Variants in TAS2R1 observed in about 807,000 individuals in gnomAD.
The protein encoded by TAS2R1 is taste 2 receptor member 1.
For missense variants in TAS2R1, 370 were observed against 353.4 expected, an observed-to-expected ratio of 1.05 and a Z score of -0.38; for synonymous variants, 141 against 134.2, an observed-to-expected ratio of 1.05 and a Z score of -0.35.
At chr5:9,675,779 A>G (rs1740863211) in intron 1 of TAS2R1, among the ~76,000 whole-genome samples, 1 of 152,160 alleles carries the variant, frequency 6.6e-6, no homozygotes, top group Non-Finnish European at 1.5e-5. Flanking sequence ...TTTTCCACAT[A>G]TAAGATCACG....
the TAS2R1 span, among the ~76,000 whole-genome samples, chr5:9,892,371 C>T: frequency 6.6e-6 from 1 of 152,186 alleles, no homozygotes; most frequent in Non-Finnish European, 1.5e-5. Flanking sequence ...ACTCTTGCCC[C>T]CAAAAGTTCC....
intron 1 of TAS2R1, among the ~76,000 whole-genome samples, chr5:9,671,922 C>T (rs1250962634): frequency 6.6e-6 from 1 of 152,038 alleles, no homozygotes; most frequent in Non-Finnish European, 1.5e-5. Flanking sequence ...AGTAAACAAA[C>T]CAGCATGGTA....
chr5:9,713,829 A>G (rs1317650347), upstream of TAS2R1: 2 of 152,242 alleles, frequency 1.3e-5, no homozygotes, highest in Non-Finnish European at 2.9e-5. Flanking sequence ...TGTTTCAGCT[A>G]AAGACCAAAC....
the TAS2R1 span, among the ~76,000 whole-genome samples, chr5:9,800,931 C>T: frequency 3.9e-5 from 6 of 152,268 alleles, no homozygotes; most frequent in African/African-American, 1.4e-4. Context: ...GTGGCTCAAC[C>T]CTGTAATCCC....
the TAS2R1 span, among the ~76,000 whole-genome samples, chr5:9,902,164 C>T: frequency 6.6e-6 from 1 of 152,032 alleles, no homozygotes; most frequent in African/African-American, 2.4e-5. Flanking sequence ...ATACCATGCT[C>T]TACTATTTAG....
At chr5:9,842,519 C>T in the TAS2R1 span, among the ~76,000 whole-genome samples, 1 of 151,770 alleles carries the variant, frequency 6.6e-6, no homozygotes, top group African/African-American at 2.4e-5. Flanking sequence ...GAAGGGGTTC[C>T]ACCATGTTGT....
chr5:9,887,906 T>C, the TAS2R1 span, among the ~76,000 whole-genome samples: 1 of 152,118 alleles, frequency 6.6e-6, no homozygotes. Context: ...CTAAGCAGGG[T>C]ACTCCAGGAA....
At chr5:9,752,536 G>A in the TAS2R1 span, among the ~76,000 whole-genome samples, 5 of 150,792 alleles carry the variant, frequency 3.3e-5, no homozygotes, top group Admixed American at 1.3e-4. Flanking sequence ...TCCCACTTAC[G>A]AATTCTTAGC....
the TAS2R1 span, among the ~76,000 whole-genome samples, chr5:9,850,632 C>T: frequency 6.6e-5 from 10 of 152,190 alleles, no homozygotes; most frequent in Non-Finnish European, 1.0e-4. Flanking sequence ...GCTGTGCCCC[C>T]GAACCAGCTC....
At chr5:9,863,468 G>A in the TAS2R1 span, among the ~76,000 whole-genome samples, 1 of 152,086 alleles carries the variant, frequency 6.6e-6, no homozygotes, top group East Asian at 1.9e-4. Context: ...GGGTTTCACT[G>A]TGTTAGCCAG....
chr5:9,785,712 C>A, the TAS2R1 span, among the ~76,000 whole-genome samples: 1 of 152,116 alleles, frequency 6.6e-6, no homozygotes, highest in Admixed American at 6.5e-5. Context: ...TCTTACCAGC[C>A]CAAGGAGGTT....
At chr5:9,816,712 C>T in the TAS2R1 span, among the ~76,000 whole-genome samples, 1 of 152,048 alleles carries the variant, frequency 6.6e-6, no homozygotes, top group South Asian at 2.1e-4. Flanking sequence ...TTTGAAAGGT[C>T]TTTAAGAAAA....
At chr5:9,704,984 T>C (rs1741573801) in intron 1 of TAS2R1, among the ~76,000 whole-genome samples, 1 of 152,262 alleles carries the variant, frequency 6.6e-6, no homozygotes, top group Admixed American at 6.5e-5. Flanking sequence ...TTATTTGTAA[T>C]AGCAGAAAAC....
chr5:9,826,116 C>T, the TAS2R1 span, among the ~76,000 whole-genome samples: 5 of 152,162 alleles, frequency 3.3e-5, no homozygotes, highest in South Asian at 8.3e-4. Context: ...TTACATTTAA[C>T]ATTATAAGTC....
At chr5:9,793,972 T>G in the TAS2R1 span, among the ~76,000 whole-genome samples, 1 of 152,122 alleles carries the variant, frequency 6.6e-6, no homozygotes, top group Admixed American at 6.5e-5. Flanking sequence ...TACAGAAAAC[T>G]TCAGAAATAA....
At chr5:9,692,859 G>A (rs774316750) in intron 1 of TAS2R1, among the ~76,000 whole-genome samples, 5 of 152,044 alleles carry the variant, frequency 3.3e-5, no homozygotes, top group Non-Finnish European at 7.4e-5. Flanking sequence ...CCTCAACCCT[G>A]ATTTCCTCAC....
chr5:9,727,237 T>C, the TAS2R1 span, among the ~76,000 whole-genome samples: 2 of 152,250 alleles, frequency 1.3e-5, no homozygotes, highest in African/African-American at 4.8e-5. Flanking sequence ...TGAGGTATTA[T>C]GTGATAGTCA....
chr5:9,842,283 A>G, the TAS2R1 span, among the ~76,000 whole-genome samples: 5 of 149,134 alleles, frequency 3.4e-5, no homozygotes, highest in Non-Finnish European at 7.4e-5. Context: ...GGAAGGTTCA[A>G]CCTATATTCT....
chr5:9,722,822 A>C, the TAS2R1 span, among the ~76,000 whole-genome samples: 1 of 152,240 alleles, frequency 6.6e-6, no homozygotes, highest in Non-Finnish European at 1.5e-5. Flanking sequence ...TGGGCTTGGA[A>C]TATGCCTGGC....
Sources: gnomAD v4.1 joint callset for allele counts (sites outside exome capture counted in the v4.1 genomes callset) on GRCh38, gnomAD v4.1.1 for gene constraint, MANE v1.5 for transcripts, NCBI Gene and HGNC (gene_info 2026-07-23, HGNC 2026-07-21) for gene names.